AFG2A: variants seen among roughly 807,000 people sequenced by gnomAD.
AFG2A encodes the protein AAA ATPase AFG2A, also known as ATPase family gene 2 protein homolog A.
At chr4:123,040,022 C>T in the AFG2A span, among the ~76,000 whole-genome samples, 3 of 152,016 alleles carry the variant, frequency 2.0e-5, no homozygotes, top group Non-Finnish European at 4.4e-5. Context: ...ATTTTTAAGA[C>T]ACTTCCACCT....
the AFG2A span, among the ~76,000 whole-genome samples, chr4:123,027,843 T>C: frequency 3.3e-5 from 5 of 152,206 alleles, no homozygotes; most frequent in Admixed American, 1.3e-4. Flanking sequence ...AGATGAGACC[T>C]TGGATGACTT....
the AFG2A span, among the ~76,000 whole-genome samples, chr4:123,005,896 G>C: frequency 6.6e-6 from 1 of 152,144 alleles, no homozygotes; most frequent in African/African-American, 2.4e-5. Flanking sequence ...ACTGTCATCA[G>C]TTTTGCACTA....
chr4:123,299,117 ATGTGTGTG>A, the AFG2A span, among the ~76,000 whole-genome samples: 14 of 147,118 alleles, frequency 9.5e-5, no homozygotes, highest in African/African-American at 3.0e-4. Context: ...GCATCTGCCA[ATGTGTGTG>A]TGTGTGTGTG....
the AFG2A span, chr4:122,934,157 A>C: frequency 6.2e-7 from 1 of 1,614,100 alleles, no homozygotes; most frequent in African/African-American, 1.3e-5. Context: ...CGACCGTACA[A>C]GCTGCAAGTA....
At chr4:123,126,238 T>C in the AFG2A span, among the ~76,000 whole-genome samples, 3 of 152,218 alleles carry the variant, frequency 2.0e-5, no homozygotes, top group African/African-American at 7.2e-5. Flanking sequence ...CTCCTCCTCT[T>C]TCATCTAAAA....
the AFG2A span, among the ~76,000 whole-genome samples, chr4:123,126,029 C>T: frequency 6.6e-6 from 1 of 152,190 alleles, no homozygotes; most frequent in Non-Finnish European, 1.5e-5. Flanking sequence ...TTGTTTGCCT[C>T]ATCAAGTCCA....
chr4:123,031,190 C>T, the AFG2A span, among the ~76,000 whole-genome samples: 1 of 151,962 alleles, frequency 6.6e-6, no homozygotes, highest in Non-Finnish European at 1.5e-5. Flanking sequence ...CTTGTTCTAT[C>T]GCCCAGGCTG....
chr4:123,147,935 T>G, the AFG2A span, among the ~76,000 whole-genome samples: 2 of 152,164 alleles, frequency 1.3e-5, no homozygotes, highest in Non-Finnish European at 2.9e-5. Context: ...TTTCAAAATA[T>G]GTGCATATTT....
At chr4:123,112,012 C>T in the AFG2A span, among the ~76,000 whole-genome samples, 16 of 152,056 alleles carry the variant, frequency 1.1e-4, no homozygotes, top group Non-Finnish European at 2.2e-4. Context: ...TGTGAGCCAC[C>T]GCACCCAGCT....
chr4:123,168,570 A>G, the AFG2A span, among the ~76,000 whole-genome samples: 1 of 151,932 alleles, frequency 6.6e-6, no homozygotes, highest in Non-Finnish European at 1.5e-5. Flanking sequence ...TTTTTTCTTT[A>G]TAAAAAGGAA....
the AFG2A span, among the ~76,000 whole-genome samples, chr4:123,236,048 G>A: frequency 6.6e-6 from 1 of 152,060 alleles, no homozygotes; most frequent in African/African-American, 2.4e-5. Context: ...CCATGTGTTA[G>A]TACATAGATA....
chr4:123,062,383 T>C, the AFG2A span, among the ~76,000 whole-genome samples: 1 of 152,332 alleles, frequency 6.6e-6, no homozygotes, highest in African/African-American at 2.4e-5. Flanking sequence ...TGCAGTACTT[T>C]GATTTTGTTT....
chr4:123,211,854 T>C, the AFG2A span, among the ~76,000 whole-genome samples: 1 of 152,162 alleles, frequency 6.6e-6, no homozygotes, highest in Non-Finnish European at 1.5e-5. Context: ...CATATATTTG[T>C]GACCAGCAGA....
chr4:123,253,345 G>A, the AFG2A span, among the ~76,000 whole-genome samples: 9 of 152,184 alleles, frequency 5.9e-5, no homozygotes, highest in Middle Eastern at 3.4e-3. Context: ...TTAGCCAGGC[G>A]TGGTGGTGGG....
the AFG2A span, among the ~76,000 whole-genome samples, chr4:123,248,146 A>C: frequency 6.6e-6 from 1 of 151,988 alleles, no homozygotes; most frequent in East Asian, 1.9e-4. Context: ...AGACTTTTTT[A>C]TTCAAATTTT....
chr4:123,313,540 C>T, the AFG2A span, among the ~76,000 whole-genome samples: 1 of 152,222 alleles, frequency 6.6e-6, no homozygotes, highest in Non-Finnish European at 1.5e-5. Context: ...TAGAGACATG[C>T]ATCCTTTGCC....
At chr4:122,978,666 C>T in the AFG2A span, among the ~76,000 whole-genome samples, 781 of 152,296 alleles carry the variant, frequency 5.1e-3, 10 homozygotes, top group Non-Finnish European at 7.8e-3. Context: ...GGTGCTGGGG[C>T]TGTTCATGCT....
the AFG2A span, among the ~76,000 whole-genome samples, chr4:123,005,888 T>C: frequency 2.6e-3 from 395 of 152,348 alleles, 7 homozygotes; most frequent in Non-Finnish European, 2.5e-4. Flanking sequence ...CAAAACATAC[T>C]GTCATCAGTT....
the AFG2A span, among the ~76,000 whole-genome samples, chr4:123,208,598 G>A: frequency 6.6e-6 from 1 of 152,138 alleles, no homozygotes; most frequent in African/African-American, 2.4e-5. Context: ...CTAACCTGTA[G>A]AGTCTGCATC....
Sources: gnomAD v4.1 joint callset for allele counts (sites outside exome capture counted in the v4.1 genomes callset) on GRCh38, gnomAD v4.1.1 for gene constraint, MANE v1.5 for transcripts, NCBI Gene and HGNC (gene_info 2026-07-23, HGNC 2026-07-21) for gene names.